Variants in SYT16 observed in about 807,000 individuals in gnomAD.
SYT16 encodes synaptotagmin-16.
SYT16 carries 42 observed loss-of-function variants against 61.4 expected under a neutral mutation model. That is an observed-to-expected ratio of 0.68 (90% confidence interval 0.53 to 0.89). The LOEUF is 0.89. Ranked by LOEUF, SYT16 falls within the 40% of genes least tolerant of loss-of-function variation. The pLI, the probability that SYT16 is intolerant of heterozygous loss-of-function variation, is 0.00. For synonymous variants in SYT16, 314 were observed against 302.3 expected (o/e 1.04, Z -0.40); for missense variants, 804 against 807.3 (o/e 1.00, Z 0.05).
intron 6 of SYT16, among the ~76,000 whole-genome samples, chr14:62,083,154 T>TG (rs11415895): frequency 0.76 from 115,993 of 152,004 alleles, 44,464 homozygotes; most frequent in East Asian, 0.9. Flanking sequence ...TCAGGTTAGG[T>TG]GGGGGGCGCT....
At position 62,100,564 on chromosome 14, in the gene SYT16, C is replaced by A; in HGVS notation, c.1795C>A (p.Arg599Ser). 6.2e-7 allele frequency: 1 copy of A among 1,613,728 alleles called. No homozygotes were observed. Reference sequence around the variant, plus strand: ...GTTGATGATTTCCGTTTATAACAGGCGTACTATGAAGCGTAAAGAGATGAT... The same window carrying A: ...GTTGATGATTTCCGTTTATAACAGGAGTACTATGAAGCGTAAAGAGATGAT... ...VTLMISVYNR[R>S]TMKRKEMIGW... The change falls in exon 8 of 8, where the codon CGT becomes AGT. Residue 599 changes from arginine to serine, a missense_variant. By Grantham distance (110) the Arg-to-Ser change is moderately radical. Coordinates refer to ENST00000683842, the MANE Select transcript of SYT16 (RefSeq NM_001367656.1).
At position 62,079,250 on chromosome 14, in the gene SYT16, G is replaced by A. The variant is rs1020192898; in HGVS notation, c.994-1584G>A. 41 of 583,982 alleles carry A rather than the reference G, an allele frequency of 7.0e-5. 1 individual carries two copies. In the African/African-American group the frequency reaches 7.3e-4, roughly 10 times the overall value. 36.2% of individuals were successfully genotyped at this position (583,982 alleles called of 1,614,324 possible). A position where few individuals can be genotyped will look rare whatever the true frequency, so the allele number is the denominator to read the frequency against. On this transcript the variant is annotated intron_variant, in intron 5 of 7. Transcript: ENST00000683842. ...TTATCACTTGAAACTAAGTACCTCT[G>A]AATAGAAACACTCACGCATGATTGC... is the stretch of plus-strand genomic sequence containing the variant.
At chr14:61,869,829 C>A (rs137897865) in intron 1 of SYT16, among the ~76,000 whole-genome samples, 144 of 152,288 alleles carry the variant, frequency 9.5e-4, no homozygotes, top group African/African-American at 3.0e-3. Context: ...TATCTGCAAA[C>A]CTGGGAGCAG....
chr14:61,926,784 C>T (rs1056609362), intron 1 of SYT16, among the ~76,000 whole-genome samples: 1 of 152,038 alleles, frequency 6.6e-6, no homozygotes, highest in African/African-American at 2.4e-5. Context: ...TGTGGCCCCT[C>T]CCCCTCACCC....
At chr14:61,849,974 A>G (rs940490649) in intron 1 of SYT16, among the ~76,000 whole-genome samples, 4 of 151,940 alleles carry the variant, frequency 2.6e-5, no homozygotes, top group African/African-American at 9.7e-5. Context: ...ATTTTTTTCC[A>G]TAGATATTGA....
At chr14:62,022,763 G>A (rs890657207) in intron 3 of SYT16, among the ~76,000 whole-genome samples, 3 of 151,816 alleles carry the variant, frequency 2.0e-5, no homozygotes, top group Non-Finnish European at 4.4e-5. Flanking sequence ...TCTGCCATTG[G>A]GTTCATCAAT....
intron 3 of SYT16, among the ~76,000 whole-genome samples, chr14:62,014,725 C>A (rs574675178): frequency 6.6e-6 from 1 of 152,086 alleles, no homozygotes; most frequent in Non-Finnish European, 1.5e-5. Context: ...CGAGCCATTG[C>A]GCCCGGCTGG....
chr14:61,857,418 C>T (rs2046810547), intron 1 of SYT16, among the ~76,000 whole-genome samples: 1 of 152,078 alleles, frequency 6.6e-6, no homozygotes, highest in African/African-American at 2.4e-5. Context: ...AGAGGTGGGC[C>T]CAGGGAACAT....
At chr14:61,826,202 C>T (rs1345365359) in intron 1 of SYT16, among the ~76,000 whole-genome samples, 4 of 151,954 alleles carry the variant, frequency 2.6e-5, no homozygotes, top group African/African-American at 9.7e-5. Context: ...CATCTCAGGG[C>T]ACTCACACAC....
intron 3 of SYT16, among the ~76,000 whole-genome samples, chr14:62,027,814 T>C (rs533620573): frequency 5.9e-5 from 9 of 152,326 alleles, no homozygotes; most frequent in Admixed American, 5.2e-4. Context: ...TGTGTTCTCC[T>C]TTTTTGCCTT....
At chr14:61,975,974 A>C (rs1450169891) in intron 2 of SYT16, among the ~76,000 whole-genome samples, 1 of 152,220 alleles carries the variant, frequency 6.6e-6, no homozygotes, top group Non-Finnish European at 1.5e-5. Context: ...TAAAATCAAA[A>C]GCAAGTTGGT....
At chr14:62,039,311 T>G (rs546826907) in intron 3 of SYT16, among the ~76,000 whole-genome samples, 18 of 152,214 alleles carry the variant, frequency 1.2e-4, no homozygotes, top group Non-Finnish European at 2.4e-4. Context: ...TTGGTCATTA[T>G]GAATAGAATG....
At chr14:62,044,671 T>C (rs1216032069) in intron 3 of SYT16, among the ~76,000 whole-genome samples, 2 of 152,196 alleles carry the variant, frequency 1.3e-5, no homozygotes, top group Non-Finnish European at 2.9e-5. Flanking sequence ...ATTGTGTATA[T>C]GTGCCACATT....
In SYT16 at chr14:62,108,969, G is replaced by A. The variant is rs2057557933; in HGVS notation, c.*8262G>A. ...CTCCAAACACAACCTTCTTCCCCGT[G>A]AACATTTTGAACACCACAGTGCTAT... On this transcript the variant is annotated 3_prime_UTR_variant, in exon 8 of 8. Transcript: ENST00000683842. The A allele has an allele frequency of 1.3e-5, 2 of 152,082 alleles. No individual in the cohort carries two copies. Among genetic ancestry groups the A allele is most frequent in the African/African-American group, 4.8e-5 (2 of 41,406 alleles). 9.4% of individuals were successfully genotyped at this position (152,082 alleles called of 1,614,324 possible).
intron 1 of SYT16, among the ~76,000 whole-genome samples, chr14:61,965,421 T>G (rs377440136): frequency 6.6e-6 from 1 of 152,136 alleles, no homozygotes; most frequent in Admixed American, 6.6e-5. Flanking sequence ...AAACATGAAC[T>G]CTTTTGAAAT....
rs118120623 is a variant in SYT16 at position 61,941,732 on chromosome 14, T to A, written c.-324-28400T>A. On this transcript the variant is annotated intron_variant, in intron 1 of 7. Transcript: ENST00000683842. ...CCACAGTCCCCATCCCTTTCCCAAA[T>A]GGACAAACCCCATCGCTATGACCAT... 8.7e-4 allele frequency among the ~76,000 whole-genome samples: 133 copies of A among 152,290 alleles called. 2 individuals carry two copies. The East Asian group carries it at 0.021, about 24-fold the overall frequency.
At chr14:61,941,083 G>T (rs1179887935) in intron 1 of SYT16, among the ~76,000 whole-genome samples, 1 of 152,154 alleles carries the variant, frequency 6.6e-6, no homozygotes, top group Non-Finnish European at 1.5e-5. Flanking sequence ...GAGGGGTAGT[G>T]CTCCTTTTGT....
At chr14:62,093,221 A>G (rs1039673460) in intron 7 of SYT16, among the ~76,000 whole-genome samples, 2 of 152,140 alleles carry the variant, frequency 1.3e-5, no homozygotes, top group Non-Finnish European at 2.9e-5. Flanking sequence ...CCAAGTGAAC[A>G]TATTAAAATT....
chr14:62,072,669 C>T (rs528840127), intron 4 of SYT16, among the ~76,000 whole-genome samples: 4 of 152,264 alleles, frequency 2.6e-5, no homozygotes, highest in East Asian at 1.9e-4. Flanking sequence ...AAAATACCTT[C>T]GCAGCAATAC....
Sources: allele counts gnomAD v4.1 joint callset (sites outside exome capture counted in the v4.1 genomes callset), GRCh38; gene constraint gnomAD v4.1.1; transcripts MANE v1.5; gene names NCBI Gene and HGNC (gene_info 2026-07-23, HGNC 2026-07-21).